The following GPC6 variants were observed in gnomAD, a reference collection of about 807,000 sequenced individuals.
GPC6 encodes glypican-6.
Under a neutral mutation model 55.2 loss-of-function variants are expected in GPC6, and 14 were observed. The ratio of observed to expected loss-of-function variants is 0.25; its 90% CI spans 0.17 to 0.40. GPC6 has a LOEUF of 0.40. Ranked by LOEUF, GPC6 falls within the 10% of genes least tolerant of loss-of-function variation. The probability of loss-of-function intolerance (pLI) is 1.00; values close to 1 mark genes in which losing one functional copy is unlikely to be tolerated. For missense variants in GPC6, 641 were observed against 708.5 expected, an observed-to-expected ratio of 0.90 and a Z score of 1.08; for synonymous variants, 278 against 259.6, an observed-to-expected ratio of 1.07 and a Z score of -0.68.
intron 6 of GPC6, among the ~76,000 whole-genome samples, chr13:94,342,707 G>A (rs1183313729): frequency 2.0e-5 from 3 of 152,148 alleles, no homozygotes; most frequent in East Asian, 1.9e-4. Context: ...TTCTCCATCC[G>A]TCACTCCCTG....
intron 2 of GPC6, among the ~76,000 whole-genome samples, chr13:93,807,078 T>G (rs1409978417): frequency 6.6e-6 from 1 of 152,240 alleles, no homozygotes; most frequent in African/African-American, 2.4e-5. Context: ...GGCCTCACTT[T>G]TTTCAGCAAA....
intron 1 of GPC6, among the ~76,000 whole-genome samples, chr13:93,267,444 G>A (rs946330083): frequency 2.0e-5 from 3 of 151,132 alleles, no homozygotes; most frequent in Admixed American, 6.6e-5. Context: ...AGAAATTCAC[G>A]CCAGTTTTCC....
chr13:93,509,754 A>G (rs1457560869), intron 1 of GPC6, among the ~76,000 whole-genome samples: 3 of 152,232 alleles, frequency 2.0e-5, no homozygotes, highest in Non-Finnish European at 2.9e-5. Context: ...AAAGACATGC[A>G]GGTGCTTGTC....
At chr13:93,545,636 G>A (rs1874748963) in intron 2 of GPC6, among the ~76,000 whole-genome samples, 1 of 151,342 alleles carries the variant, frequency 6.6e-6, no homozygotes, top group African/African-American at 2.4e-5. Context: ...ACAAAGAGCT[G>A]TTTTGCATTT....
At chr13:93,698,986 G>A (rs918820147) in intron 2 of GPC6, among the ~76,000 whole-genome samples, 8 of 152,028 alleles carry the variant, frequency 5.3e-5, no homozygotes, top group Non-Finnish European at 8.8e-5. Flanking sequence ...CAAGAACTAG[G>A]AGAACTGAAA....
At chr13:93,653,104 G>A (rs1029440660) in intron 2 of GPC6, among the ~76,000 whole-genome samples, 1 of 152,154 alleles carries the variant, frequency 6.6e-6, no homozygotes, top group Non-Finnish European at 1.5e-5. Context: ...TTTAGAGAGA[G>A]AACCAGACAC....
chr13:93,569,593 G>T (rs576289694), intron 2 of GPC6, among the ~76,000 whole-genome samples: 1 of 151,892 alleles, frequency 6.6e-6, no homozygotes, highest in Non-Finnish European at 1.5e-5. Flanking sequence ...TATGGTTGTA[G>T]GTCACTGTCC....
At chr13:94,323,093 G>A (rs1256658340) in intron 6 of GPC6, among the ~76,000 whole-genome samples, 1 of 152,130 alleles carries the variant, frequency 6.6e-6, no homozygotes, top group East Asian at 1.9e-4. Flanking sequence ...ACGGGATTGC[G>A]AAAGAAGCCG....
intron 3 of GPC6, among the ~76,000 whole-genome samples, chr13:93,975,132 A>T (rs1188592864): frequency 6.6e-6 from 1 of 152,164 alleles, no homozygotes; most frequent in African/African-American, 2.4e-5. Flanking sequence ...TTACTTTAAC[A>T]AGTCCACCAG....
At position 93,504,199 on chromosome 13, in the gene GPC6, T is replaced by G. The variant is rs1292065059; in HGVS notation, c.161-41064T>G. Among the ~76,000 whole-genome samples, 6 of 152,244 alleles carry G rather than the reference T, an allele frequency of 3.9e-5. No homozygotes were observed. The East Asian group carries it at 1.2e-3, about 29-fold the overall frequency. ...AATCCTGTTAGATTAAAATTAAAGA[T>G]GTGGAATGTGTTAAAAACAAAGACA... On this transcript the variant is annotated intron_variant, in intron 1 of 8. Transcript: ENST00000377047.
chr13:93,281,874 T>C (rs1367261815), intron 1 of GPC6, among the ~76,000 whole-genome samples: 1 of 152,132 alleles, frequency 6.6e-6, no homozygotes, highest in Non-Finnish European at 1.5e-5. Flanking sequence ...CTGAAACCAC[T>C]GAATTAGGAA....
chr13:93,460,456 T>C (rs1482166308), intron 1 of GPC6, among the ~76,000 whole-genome samples: 1 of 151,914 alleles, frequency 6.6e-6, no homozygotes, highest in East Asian at 1.9e-4. Context: ...TCCACAAACA[T>C]TTAAATCTAC....
chr13:93,332,261 C>CTTT (rs202196621), intron 1 of GPC6, among the ~76,000 whole-genome samples: 2 of 129,944 alleles, frequency 1.5e-5, no homozygotes, highest in Non-Finnish European at 3.3e-5. Flanking sequence ...TTCTGTTTTT[C>CTTT]TTTTTTTTTT....
At chr13:94,335,407 T>C (rs1226772287) in intron 6 of GPC6, among the ~76,000 whole-genome samples, 1 of 152,160 alleles carries the variant, frequency 6.6e-6, no homozygotes, top group Non-Finnish European at 1.5e-5. Context: ...TGATATATAA[T>C]CCTTGCCAAG....
chr13:94,281,374 G>A (rs1438386925), intron 4 of GPC6, among the ~76,000 whole-genome samples: 3 of 152,010 alleles, frequency 2.0e-5, no homozygotes, highest in Non-Finnish European at 4.4e-5. Flanking sequence ...ACAGGCTCCG[G>A]TGTGTGTTGT....
chr13:94,176,480 T>C (rs1417551046), intron 4 of GPC6, among the ~76,000 whole-genome samples: 1 of 152,156 alleles, frequency 6.6e-6, no homozygotes, highest in Non-Finnish European at 1.5e-5. Flanking sequence ...TCCTAACTCA[T>C]TCACCATTCC....
chr13:93,257,268 A>T (rs1876986638), intron 1 of GPC6, among the ~76,000 whole-genome samples: 1 of 151,922 alleles, frequency 6.6e-6, no homozygotes, highest in Non-Finnish European at 1.5e-5. Flanking sequence ...ATACCACTGC[A>T]CTTAACCTGG....
chr13:93,476,317 C>T (rs193280817), intron 1 of GPC6, among the ~76,000 whole-genome samples: 4 of 151,892 alleles, frequency 2.6e-5, no homozygotes, highest in East Asian at 1.9e-4. Context: ...TGTGTGCATG[C>T]GCGCAACTAA....
At chr13:93,509,672 G>A (rs1056202386) in intron 1 of GPC6, among the ~76,000 whole-genome samples, 4 of 152,198 alleles carry the variant, frequency 2.6e-5, no homozygotes, top group East Asian at 1.9e-4. Flanking sequence ...AGCCCTCACC[G>A]AGTTCCACAG....
Sources: gnomAD v4.1 joint callset for allele counts (sites outside exome capture counted in the v4.1 genomes callset) on GRCh38, gnomAD v4.1.1 for gene constraint, MANE v1.5 for transcripts, NCBI Gene and HGNC (gene_info 2026-07-23, HGNC 2026-07-21) for gene names.